Variants in SLC2A7 observed in about 807,000 individuals in gnomAD.
The protein encoded by SLC2A7 is solute carrier family 2 member 7.
Under a neutral mutation model 50.5 loss-of-function variants are expected in SLC2A7, and 50 were observed. The observed-to-expected ratio is 0.99, with a 90% CI of 0.79 to 1.25. The LOEUF (loss-of-function observed/expected upper bound fraction) is 1.25. Ranked by LOEUF, SLC2A7 falls within the 50% of genes most tolerant of loss-of-function variation. The pLI is 0.00. For synonymous variants in SLC2A7, 308 were observed against 300.4 expected (o/e 1.03, Z -0.26); for missense variants, 683 against 679.1 (o/e 1.01, Z -0.06).
chr1:9,005,381 T>C (rs371280305), intron 10 of SLC2A7, among the ~76,000 whole-genome samples: 1 of 152,204 alleles, frequency 6.6e-6, no homozygotes, highest in South Asian at 2.1e-4. Flanking sequence ...TAAGAAGCCT[T>C]GTCTAAAATG....
chr1:9,001,994 G>A (rs1640581625), downstream of SLC2A7, among the ~76,000 whole-genome samples: 1 of 152,230 alleles, frequency 6.6e-6, no homozygotes, highest in African/African-American at 2.4e-5. Flanking sequence ...GTTGACTCAA[G>A]GTTTAATGGC....
intron 9 of SLC2A7, among the ~76,000 whole-genome samples, chr1:9,009,571 C>T (rs986148303): frequency 1.3e-5 from 2 of 152,224 alleles, no homozygotes; most frequent in African/African-American, 4.8e-5. Flanking sequence ...ATCCTCCCAC[C>T]TCAGCTTCCT....
chr1:9,003,296 G>A lies in SLC2A7; in HGVS notation c.*4C>T, dbSNP rs1240227514. 6.2e-7 allele frequency: 1 copy of A among 1,613,934 alleles called. No homozygotes were observed. Among genetic ancestry groups the A allele is most frequent in the Admixed American group, 1.7e-5 (1 of 60,006 alleles). ...TATGGGCTCCCGTCCTTCATGCAGGGCCACTAAAAGGAAGTTTCCTTGGCA... is the reference window on the plus strand; with the variant it reads ...TATGGGCTCCCGTCCTTCATGCAGGACCACTAAAAGGAAGTTTCCTTGGCA... On this transcript the variant is annotated 3_prime_UTR_variant, in exon 12 of 12. Coordinates refer to ENST00000400906, the MANE Select transcript of SLC2A7 (RefSeq NM_207420.3).
intron 8 of SLC2A7, among the ~76,000 whole-genome samples, chr1:9,011,730 ACTT>A (rs1430280505): frequency 8.2e-5 from 10 of 122,666 alleles, no homozygotes; most frequent in African/African-American, 2.1e-4. Flanking sequence ...TTCCTTTTCT[ACTT>A]CTTCTTCTTC....
rs1036277839 is a variant in SLC2A7 at position 9,008,035 on chromosome 1, G to A, written c.1117-650C>T. Among the ~76,000 whole-genome samples, 10 of 152,096 alleles carry A rather than the reference G, an allele frequency of 6.6e-5. No homozygotes were observed. Among genetic ancestry groups the A allele is most frequent in the Non-Finnish European group, 1.0e-4 (7 of 68,018 alleles). On this transcript the variant is annotated intron_variant, in intron 9 of 11. Transcript: ENST00000400906. The surrounding 1 kb of genome is among the most constrained non-coding windows in gnomAD (Gnocchi z 5.9). Reference sequence around the variant, plus strand: ...AGTCAACATGAGTGAGCTGAGGTCCGGACTTTCTCTACCATTCTCTGGAGA... The same window carrying A: ...AGTCAACATGAGTGAGCTGAGGTCCAGACTTTCTCTACCATTCTCTGGAGA...
At chr1:9,013,172 G>A (rs1353900907) in intron 8 of SLC2A7, among the ~76,000 whole-genome samples, 1 of 152,134 alleles carries the variant, frequency 6.6e-6, no homozygotes, top group Non-Finnish European at 1.5e-5. Context: ...GATTACAAGT[G>A]TGTGCCACCA....
chr1:9,018,002 C>G (rs546051570), intron 5 of SLC2A7, among the ~76,000 whole-genome samples: 9 of 152,218 alleles, frequency 5.9e-5, no homozygotes, highest in African/African-American at 2.2e-4. Flanking sequence ...TAGCAGAACC[C>G]CTACCTGCCT....
chr1:8,999,730 C>T (rs143834791), downstream of SLC2A7, among the ~76,000 whole-genome samples: 7 of 152,242 alleles, frequency 4.6e-5, no homozygotes, highest in Admixed American at 1.3e-4. Flanking sequence ...CATTCTTATT[C>T]GGGGGAGGAA....
chr1:9,024,992 A>C lies in SLC2A7; in HGVS notation c.134T>G (p.Val45Gly). The change falls in exon 2 of 12, where the codon GTC (valine) becomes GGC (glycine). Residue 45 changes from valine to glycine, a missense_variant. Physicochemically the swap from Val to Gly is moderately radical, Grantham distance 109. Coordinates refer to ENST00000400906, the MANE Select transcript of SLC2A7 (RefSeq NM_207420.3). ...AFQYGYNLSVVNTPHKVFKSF... is the reference protein window; with the variant it reads ...AFQYGYNLSVGNTPHKVFKSF... ...TGTGCCCACCTTGTGCGGCGTGTTG[A>C]CCACAGAGAGGTTGTAGCCGTACTG... is the stretch of plus-strand genomic sequence containing the variant. 6.3e-7 allele frequency: 1 copy of C among 1,588,128 alleles called. No homozygotes were observed. The highest frequency in any genetic ancestry group is 8.6e-7 in the Non-Finnish European group (1 of 1,168,172).
chr1:9,020,551 C>T (rs926696506), intron 3 of SLC2A7, among the ~76,000 whole-genome samples: 2 of 133,786 alleles, frequency 1.5e-5, no homozygotes, highest in African/African-American at 2.9e-5. Context: ...GGCTCCTGTG[C>T]CCCCCCCCAC....
chr1:9,016,944 CCT>C (rs1304963628), intron 5 of SLC2A7, among the ~76,000 whole-genome samples: 5 of 152,130 alleles, frequency 3.3e-5, no homozygotes, highest in Non-Finnish European at 5.9e-5. Flanking sequence ...CTCCTGTCCC[CCT>C]GTCTCAGTCC....
intron 10 of SLC2A7, 113 bp downstream of exon 10, chr1:9,007,195 GCA>G: frequency 8.4e-7 from 1 of 1,195,608 alleles, no homozygotes; most frequent in Middle Eastern, 1.9e-4. Context: ...ATCTGCGTGA[GCA>G]CGGGGACCAA....
the SLC2A7 span, among the ~76,000 whole-genome samples, chr1:8,996,345 G>A: frequency 2.0e-5 from 3 of 152,190 alleles, no homozygotes; most frequent in Non-Finnish European, 4.4e-5. Context: ...ATTGCAGAGC[G>A]TGTCAATAGT....
At chr1:9,019,829 C>A (rs1294883395) in intron 3 of SLC2A7, among the ~76,000 whole-genome samples, 1 of 152,052 alleles carries the variant, frequency 6.6e-6, no homozygotes, top group Non-Finnish European at 1.5e-5. Context: ...GAGGCTGAGG[C>A]AGGAGAATCA....
downstream of SLC2A7, among the ~76,000 whole-genome samples, chr1:8,999,056 G>A (rs1640542846): frequency 6.6e-6 from 1 of 152,182 alleles, no homozygotes. Context: ...TACCAGTGAA[G>A]CCATATGGGC....
intron 2 of SLC2A7, among the ~76,000 whole-genome samples, chr1:9,024,158 C>T (rs954513974): frequency 6.6e-6 from 1 of 152,032 alleles, no homozygotes; most frequent in Non-Finnish European, 1.5e-5. Context: ...GCCACCGCTC[C>T]CAGCCCAGGA....
At chr1:8,999,821 C>T (rs1458020136), downstream of SLC2A7, among the ~76,000 whole-genome samples, 1 of 152,192 alleles carries the variant, frequency 6.6e-6, no homozygotes, top group Non-Finnish European at 1.5e-5. Flanking sequence ...CACCTTGGAC[C>T]TGCTGGGGAC....
chr1:9,011,992 C>T (rs967872383), intron 8 of SLC2A7, among the ~76,000 whole-genome samples: 6 of 151,948 alleles, frequency 3.9e-5, no homozygotes, highest in Non-Finnish European at 7.4e-5. Context: ...TCAGGTGATC[C>T]GCCCGCCTCA....
chr1:9,018,685 T>C (rs759889918), intron 4 of SLC2A7, among the ~76,000 whole-genome samples: 1 of 152,248 alleles, frequency 6.6e-6, no homozygotes, highest in Non-Finnish European at 1.5e-5. Context: ...ATAAAACTTT[T>C]GCTTTGGTCT....
Sources: allele counts gnomAD v4.1 joint callset (sites outside exome capture counted in the v4.1 genomes callset), GRCh38; gene constraint gnomAD v4.1.1; non-coding constraint Gnocchi (gnomAD v3.1); transcripts MANE v1.5; gene names NCBI Gene and HGNC (gene_info 2026-07-23, HGNC 2026-07-21).